Variants in PUDP observed in about 807,000 individuals in gnomAD.
PUDP encodes the protein pseudouridine 5'-phosphatase.
A neutral mutation model predicts 9.4 loss-of-function variants in PUDP; 8 were observed. The ratio of observed to expected loss-of-function variants is 0.85; its 90% CI spans 0.50 to 1.53. PUDP has a LOEUF of 1.53. PUDP is among the 40% of genes most tolerant of loss of function. PUDP has a pLI of 0.00. For missense variants in PUDP, 188 were observed against 189.7 expected, an observed-to-expected ratio of 0.99 and a Z score of 0.05; for synonymous variants, 99 against 80.7, an observed-to-expected ratio of 1.23 and a Z score of -1.22.
At chrX:6,737,757 C>T (rs1328410552) in intron 3 of PUDP, among the ~76,000 whole-genome samples, 2 of 111,497 alleles carry the variant, frequency 1.8e-5, no homozygotes, top group South Asian at 7.6e-4. Context: ...ATGCCAGCAG[C>T]ACCACCCACC....
In PUDP at chrX:7,049,347, T is replaced by C. The variant is rs910153532; in HGVS notation, c.*949A>G. The C allele has an allele frequency of 3.6e-5, 4 of 112,676 alleles. No individual in the cohort carries two copies. Among genetic ancestry groups the C allele is most frequent in the African/African-American group, 9.7e-5 (3 of 30,930 alleles). The allele number at this position is 112,676 out of a possible 1,213,427, so 9.3% of individuals were successfully genotyped here. A position where few individuals can be genotyped will look rare whatever the true frequency, so the allele number is the denominator to read the frequency against. ...CAGAAGTTCAATGTCTGATAAATTA[T>C]TCCAAAAGTGTTCCTGGGCACTGAG... On this transcript the variant is annotated 3_prime_UTR_variant, in exon 4 of 4. Transcript: ENST00000381077.
At chrX:6,840,265 A>G (rs1270117198) in intron 3 of PUDP, among the ~76,000 whole-genome samples, 1 of 112,075 alleles carries the variant, frequency 8.9e-6, no homozygotes, top group Admixed American at 9.4e-5. Context: ...CTCCCCAGCC[A>G]CGTGGAACTG....
chrX:6,962,942 C>T (rs1216329096), intron 3 of PUDP, among the ~76,000 whole-genome samples: 7 of 112,930 alleles, frequency 6.2e-5, no homozygotes, highest in African/African-American at 1.6e-4. Flanking sequence ...CTTCTCTAAT[C>T]GGCAGATGAA....
intron 1 of PUDP, among the ~76,000 whole-genome samples, chrX:7,121,123 TA>T (rs1489512132): frequency 9.0e-6 from 1 of 111,683 alleles, no homozygotes; most frequent in African/African-American, 3.3e-5. Context: ...GTACTCCAAT[TA>T]AACCTCCATA....
intron 3 of PUDP, among the ~76,000 whole-genome samples, chrX:6,962,829 C>G (rs1928727904): frequency 8.9e-6 from 1 of 112,596 alleles, no homozygotes; most frequent in African/African-American, 3.2e-5. Flanking sequence ...TCACATCTCT[C>G]TTAATTCTAA....
chrX:6,879,065 C>T (rs1042269700), intron 3 of PUDP, among the ~76,000 whole-genome samples: 3 of 111,478 alleles, frequency 2.7e-5, no homozygotes, highest in African/African-American at 9.8e-5. Flanking sequence ...TATTGAATAG[C>T]CTCCTAGATG....
chrX:6,731,485 A>T (rs1462796147), intron 3 of PUDP, among the ~76,000 whole-genome samples: 1 of 111,570 alleles, frequency 9.0e-6, no homozygotes, highest in African/African-American at 3.3e-5. Context: ...CACTCATCCC[A>T]TTAGCAAAGA....
chrX:6,959,748 G>T (rs1217174095), intron 3 of PUDP, among the ~76,000 whole-genome samples: 1 of 112,576 alleles, frequency 8.9e-6, no homozygotes, highest in Non-Finnish European at 1.9e-5. Flanking sequence ...GTGCTCTTCA[G>T]TAAAATGGTG....
At chrX:6,736,604 A>G (rs952935770) in intron 3 of PUDP, among the ~76,000 whole-genome samples, 3 of 112,123 alleles carry the variant, frequency 2.7e-5, no homozygotes, top group Admixed American at 9.5e-5. Flanking sequence ...ATCAACCTAC[A>G]TATCCATCAC....
At chrX:7,105,591 T>C (rs1164737527) in intron 2 of PUDP, 29 bp downstream of exon 2, 1 of 1,086,667 alleles carries the variant, frequency 9.2e-7, no homozygotes, top group East Asian at 3.0e-5. Context: ...GTCACAAACA[T>C]AACCCTGCAA....
At chrX:6,942,193 C>A (rs140247600) in intron 3 of PUDP, among the ~76,000 whole-genome samples, 1,976 of 111,876 alleles carry the variant, frequency 0.018, 42 homozygotes, top group African/African-American at 0.061. Context: ...CTTTTACCCA[C>A]TATATCTATA....
At chrX:6,888,911 A>G (rs752883643) in intron 3 of PUDP, among the ~76,000 whole-genome samples, 25 of 112,153 alleles carry the variant, frequency 2.2e-4, no homozygotes, top group African/African-American at 7.8e-4. Flanking sequence ...CCCTGACGAG[A>G]TATTGCACTA....
chrX:6,752,770 A>G lies in PUDP; in HGVS notation c.*248-46304T>C, dbSNP rs781575314. On this transcript the variant is annotated intron_variant and NMD_transcript_variant, in intron 3 of 3. Coordinates refer to the PUDP transcript ENST00000655425. ...GAGATAAGAAACTGAAGGAGAAACT[A>G]GGAAGAAGAGGGAAAAGATATTATT... Among the ~76,000 whole-genome samples, 156 of 111,421 alleles carry G rather than the reference A, an allele frequency of 1.4e-3. 1 individual carries two copies. The highest frequency in any genetic ancestry group is 4.9e-3 in the African/African-American group (151 of 30,727).
intron 1 of PUDP, among the ~76,000 whole-genome samples, chrX:7,122,253 A>C (rs763787595): frequency 1.8e-5 from 2 of 109,155 alleles, no homozygotes; most frequent in Non-Finnish European, 3.8e-5. Context: ...GTTTACATTC[A>C]TTTGCACACA....
At chrX:7,067,303 C>T (rs1930588006) in intron 3 of PUDP, among the ~76,000 whole-genome samples, 1 of 111,798 alleles carries the variant, frequency 8.9e-6, no homozygotes, top group African/African-American at 3.3e-5. Context: ...TACAGGGGCC[C>T]GTGTGCATGC....
intron 3 of PUDP, among the ~76,000 whole-genome samples, chrX:6,914,014 A>C (rs1927887229): frequency 9.1e-6 from 1 of 109,434 alleles, no homozygotes; most frequent in African/African-American, 3.3e-5. Context: ...AAAAATACAA[A>C]AAATTAGCCG....
At chrX:6,888,898 C>T (rs1017324474) in intron 3 of PUDP, among the ~76,000 whole-genome samples, 1 of 111,605 alleles carries the variant, frequency 9.0e-6, no homozygotes, top group Non-Finnish European at 1.9e-5. Flanking sequence ...CCGGCCAGAT[C>T]GCCCCTGACG....
chrX:6,855,861 C>T (rs1375174539), intron 3 of PUDP, among the ~76,000 whole-genome samples: 46 of 111,669 alleles, frequency 4.1e-4, no homozygotes, highest in Non-Finnish European at 1.1e-4. Flanking sequence ...AGGAACCTTG[C>T]TTCAACAACC....
intron 1 of PUDP, among the ~76,000 whole-genome samples, chrX:7,115,892 G>A (rs1932180996): frequency 8.9e-6 from 1 of 112,447 alleles, no homozygotes; most frequent in African/African-American, 3.2e-5. Context: ...TGCATGGACT[G>A]GAAGAGTCTA....
Sources: allele counts gnomAD v4.1 joint callset (sites outside exome capture counted in the v4.1 genomes callset), GRCh38; gene constraint gnomAD v4.1.1; transcripts MANE v1.5; gene names NCBI Gene and HGNC (gene_info 2026-07-23, HGNC 2026-07-21).